The following DGKZ variants were observed in gnomAD, a reference collection of about 807,000 sequenced individuals.
DGKZ encodes the protein diacylglycerol kinase zeta.
Under a neutral mutation model 142.5 loss-of-function variants are expected in DGKZ, and 45 were observed. That is an observed-to-expected ratio of 0.32 (90% CI 0.25 to 0.40). The LOEUF is 0.40. Among genes scored for constraint, DGKZ ranks in the 10% least tolerant of loss-of-function variants. The pLI, the probability that DGKZ is intolerant of heterozygous loss-of-function variation, is 1.00. For missense variants in DGKZ, 755 were observed against 1,306.5 expected (o/e 0.58, Z 6.51); for synonymous variants, 442 against 527.0 (o/e 0.84, Z 2.21).
intron 1 of DGKZ, chr11:46,361,790 G>T: frequency 7.1e-6 from 4 of 566,072 alleles, no homozygotes; most frequent in Non-Finnish European, 9.0e-6. Context: ...GGTTGGATCC[G>T]GGCGGACCCG....
intron 1 of DGKZ, among the ~76,000 whole-genome samples, chr11:46,350,345 G>C (rs1941212165): frequency 6.6e-6 from 1 of 152,138 alleles, no homozygotes; most frequent in Non-Finnish European, 1.5e-5. Flanking sequence ...CTGCTTGGCT[G>C]GTCCTGCTAC....
intron 28 of DGKZ, 27 bp downstream of exon 28, chr11:46,379,138 C>G: frequency 6.2e-7 from 1 of 1,611,132 alleles, no homozygotes; most frequent in Non-Finnish European, 8.5e-7. Flanking sequence ...AGCCCAGGGC[C>G]TGGGGCCAAG....
At chr11:46,350,963 C>T (rs1202203889) in intron 1 of DGKZ, among the ~76,000 whole-genome samples, 2 of 151,834 alleles carry the variant, frequency 1.3e-5, no homozygotes, top group African/African-American at 4.8e-5. Context: ...CAGTCTCCTC[C>T]CTGAGGAGGA....
At chr11:46,376,557 G>T in exon 24 of DGKZ, 2 of 1,613,528 alleles carry the variant, frequency 1.2e-6, no homozygotes, top group Non-Finnish European at 1.7e-6. Context: ...AGGATCGACC[G>T]AGCCCAGGTG....
rs1046597388 is a variant in DGKZ at position 46,347,897 on chromosome 11, C to G, written c.161+77C>G. On this transcript the variant is annotated intron_variant, in intron 1 of 30. Transcript: ENST00000527911. This position sits in a 1 kb window ranked among gnomAD's most constrained non-coding sequence, Gnocchi z 6.4. ...CCCTCACCGGGGGACATTCCTCGGC[C>G]ACTGGGGGTCCGGGCCACTTCGGTA... The G allele has an allele frequency of 1.6e-5, 20 of 1,264,494 alleles. No individual in the cohort carries two copies. Among genetic ancestry groups the G allele is most frequent in the Non-Finnish European group, 2.0e-5 (20 of 1,002,952 alleles). The allele number at this position is 1,264,494 out of a possible 1,614,324, so 78.3% of individuals were successfully genotyped here.
At chr11:46,335,960 G>C (rs1939992498) in intron 1 of DGKZ, among the ~76,000 whole-genome samples, 1 of 152,236 alleles carries the variant, frequency 6.6e-6, no homozygotes, top group South Asian at 2.1e-4. Flanking sequence ...TCCTCCACAT[G>C]CCACAGTTCC....
At chr11:46,374,169 G>A (rs779182198) in exon 15 of DGKZ, 1 of 1,614,212 alleles carries the variant, frequency 6.2e-7, no homozygotes. Flanking sequence ...GCCCCTGGAT[G>A]TCTTCAACAA....
At chr11:46,344,717 G>A (rs986649625), upstream of DGKZ, among the ~76,000 whole-genome samples, 10 of 152,168 alleles carry the variant, frequency 6.6e-5, no homozygotes, top group African/African-American at 2.2e-4. Context: ...GCCTCCCAAA[G>A]TGTTGGGATT....
upstream of DGKZ, among the ~76,000 whole-genome samples, chr11:46,343,604 A>G (rs1029702425): frequency 6.6e-6 from 1 of 152,210 alleles, no homozygotes; most frequent in African/African-American, 2.4e-5. Flanking sequence ...ATGCCCTAGT[A>G]TTTATTTACC....
upstream of DGKZ, among the ~76,000 whole-genome samples, chr11:46,343,908 C>G (rs1178669018): frequency 6.6e-6 from 1 of 152,082 alleles, no homozygotes; most frequent in Non-Finnish European, 1.5e-5. Context: ...AAGTCACTCT[C>G]ATCACTCTTC....
chr11:46,356,641 C>G (rs1027919933), intron 1 of DGKZ, among the ~76,000 whole-genome samples: 18 of 152,076 alleles, frequency 1.2e-4, no homozygotes, highest in African/African-American at 4.1e-4. Context: ...GGAAAAGGGA[C>G]CCGCGGTGTT....
chr11:46,345,421 G>C, upstream of DGKZ: 1 of 1,441,420 alleles, frequency 6.9e-7, no homozygotes, highest in Non-Finnish European at 9.1e-7. This position sits in a 1 kb window ranked among gnomAD's most constrained non-coding sequence, Gnocchi z 4.1. Context: ...TGAGCGCACC[G>C]GGGGCTGGCC....
In DGKZ at chr11:46,333,323, C is replaced by A. The variant is rs951389891; in HGVS notation, c.48C>A (p.Gly16=). 5 of 1,325,780 alleles carry A rather than the reference C, an allele frequency of 3.8e-6. No individual in the cohort carries two copies. The South Asian group carries it at 1.0e-4, about 27-fold the overall frequency. The allele number at this position is 1,325,780 out of a possible 1,614,324, so 82.1% of individuals were successfully genotyped here. A position where few individuals can be genotyped will look rare whatever the true frequency, so the allele number is the denominator to read the frequency against. The change falls in exon 1 of 31, where the codon GGC becomes GGA. Residue 16 remains glycine, a synonymous_variant. Coordinates refer to the DGKZ transcript ENST00000343674. The stretch of plus-strand genomic sequence containing the variant: ...GAGGGCAGCGCTGGGACTGGGCTGG[C>A]GGCGGCCGGGCAGCCGAGGAGGAGG...
intron 4 of DGKZ, chr11:46,369,283 A>G: frequency 3.1e-6 from 2 of 638,848 alleles, no homozygotes; most frequent in Non-Finnish European, 5.7e-6. Context: ...CCTGGGTGGA[A>G]GAAGGAAAGA....
intron 14 of DGKZ, among the ~76,000 whole-genome samples, chr11:46,373,317 C>T (rs527982247): frequency 6.0e-4 from 74 of 123,518 alleles, no homozygotes; most frequent in African/African-American, 1.9e-3. Context: ...GACTGAGTCT[C>T]GCTCTGTTAC....
At chr11:46,353,499 C>T (rs1252634014) in intron 1 of DGKZ, among the ~76,000 whole-genome samples, 1 of 152,140 alleles carries the variant, frequency 6.6e-6, no homozygotes, top group Non-Finnish European at 1.5e-5. Context: ...CTGGGAGAGA[C>T]CCTTGGTAAA....
Position 46,372,397 on chromosome 11 carries a change from T to TTG in DGKZ, c.928-31_928-30insTG. The TTG allele has an allele frequency of 6.2e-7, 1 of 1,611,794 alleles. No homozygotes were observed. Among genetic ancestry groups the TTG allele is most frequent in the Non-Finnish European group, 8.5e-7 (1 of 1,178,064 alleles). ...GCTCCCACTTCGTCCCACCACTGCCTGACTGTCTCTTGGCTCCCCATCCCA... is the reference window on the plus strand; with the variant it reads ...GCTCCCACTTCGTCCCACCACTGCCTTGGACTGTCTCTTGGCTCCCCATCCCA... On this transcript the variant is annotated intron_variant, in intron 10 of 30. Transcript: ENST00000527911. The surrounding 1 kb of genome is among the most constrained non-coding windows in gnomAD (Gnocchi z 5.9).
intron 25 of DGKZ, chr11:46,377,977 T>G (rs927691677): frequency 2.8e-5 from 17 of 613,932 alleles, no homozygotes; most frequent in Non-Finnish European, 4.9e-5. Flanking sequence ...CTTATTTATT[T>G]GACTTGTTTG....
chr11:46,380,490 C>A (rs1444264062), downstream of DGKZ: 2 of 150,436 alleles, frequency 1.3e-5, no homozygotes, highest in Non-Finnish European at 3.0e-5. Context: ...GGGTGGGGGG[C>A]GGGACTCTCA....
Sources: gnomAD v4.1 joint callset for allele counts (sites outside exome capture counted in the v4.1 genomes callset) on GRCh38, gnomAD v4.1.1 for gene constraint, Gnocchi (gnomAD v3.1) non-coding constraint, MANE v1.5 for transcripts, NCBI Gene and HGNC (gene_info 2026-07-23, HGNC 2026-07-21) for gene names.